THBS4: variants seen among roughly 807,000 people sequenced by gnomAD.
The protein encoded by THBS4 is thrombospondin 4, also known as thrombospondin-4.
Under a neutral mutation model 115.7 loss-of-function variants are expected in THBS4, and 90 were observed. The observed-to-expected ratio is 0.78, with a 90% CI of 0.66 to 0.93. The LOEUF (loss-of-function observed/expected upper bound fraction) is 0.93. Ranked by LOEUF, THBS4 falls within the 40% of genes least tolerant of loss-of-function variation. The pLI is 0.00. For missense variants in THBS4, 1,087 were observed against 1,232.7 expected (o/e 0.88, Z 1.77); for synonymous variants, 460 against 479.3 (o/e 0.96, Z 0.53).
intron 6 of THBS4, 81 bp downstream of exon 6, chr5:80,059,572 C>G: frequency 6.3e-7 from 1 of 1,598,426 alleles, no homozygotes; most frequent in South Asian, 1.1e-5. Flanking sequence ...CTGTGTTGAC[C>G]GCAGTTTCTG....
intron 2 of THBS4, among the ~76,000 whole-genome samples, chr5:80,025,152 T>C (rs1832450464): frequency 6.6e-6 from 1 of 152,194 alleles, no homozygotes; most frequent in Non-Finnish European, 1.5e-5. Flanking sequence ...AAGTTGGTTA[T>C]TATTATGATG....
At position 80,078,205 on chromosome 5, in the gene THBS4, C is replaced by G; in HGVS notation, c.2243C>G (p.Pro748Arg). The G allele has an allele frequency of 1.3e-6, 2 of 1,596,894 alleles. No individual in the cohort carries two copies. The highest frequency in any genetic ancestry group is 8.6e-7 in the Non-Finnish European group (1 of 1,167,840). ...LDPEGDAQID[P>R]NWVVLNQGME... The stretch of plus-strand genomic sequence containing the variant: ...CCTGAAGGGGATGCCCAGATCGATC[C>G]CAACTGGGTGGTCCTGAACCAGGTG... The change falls in exon 17 of 22, where the codon CCC (proline) becomes CGC (arginine). Residue 748 changes from proline (P) to arginine (R), a missense_variant. By Grantham distance (103) the Pro-to-Arg change is moderately radical. Coordinates refer to ENST00000350881, the MANE Select transcript of THBS4 (RefSeq NM_003248.6).
chr5:80,027,022 C>T (rs1233178988), intron 2 of THBS4, among the ~76,000 whole-genome samples: 2 of 152,232 alleles, frequency 1.3e-5, no homozygotes, highest in African/African-American at 4.8e-5. Flanking sequence ...AAACACCCAG[C>T]ACTGCAGCAG....
intron 9 of THBS4, chr5:80,066,398 T>C (rs1019487240): frequency 2.6e-5 from 4 of 152,226 alleles, no homozygotes; most frequent in Non-Finnish European, 5.9e-5. Flanking sequence ...TAAACAGGGA[T>C]TATTATTATC....
chr5:80,004,280 G>A (rs1399551389), intron 2 of THBS4, among the ~76,000 whole-genome samples: 1 of 152,230 alleles, frequency 6.6e-6, no homozygotes, highest in East Asian at 1.9e-4. Flanking sequence ...TGATGAATGT[G>A]TGTAAATGAT....
chr5:79,994,658 T>G (rs972605350), intron 1 of THBS4, among the ~76,000 whole-genome samples: 4 of 152,074 alleles, frequency 2.6e-5, no homozygotes, highest in African/African-American at 9.7e-5. Context: ...ACAAAAATTA[T>G]AGCTGGGCAT....
rs1322872246 is a variant in THBS4, at chr5:80,058,804, C to T, written c.732+14C>T. 3 of 1,610,840 alleles carry T rather than the reference C, an allele frequency of 1.9e-6. No homozygotes were observed. The highest frequency in any genetic ancestry group is 2.5e-6 in the Non-Finnish European group (3 of 1,178,274). The stretch of plus-strand genomic sequence containing the variant: ...CTGAGACAGCAGGTAACAAGCGGGA[C>T]ATATCATCAGAAAAGCCCTCGTCTT... On this transcript the variant is annotated intron_variant, in intron 5 of 21. Transcript: ENST00000350881.
chr5:80,051,816 G>C (rs2438649), intron 2 of THBS4, among the ~76,000 whole-genome samples: 83,531 of 152,054 alleles, frequency 0.55, 23,389 homozygotes, highest in African/African-American at 0.65. Flanking sequence ...TCAAATTAAA[G>C]CCAGCTATTT....
In THBS4 at chr5:80,067,996, T is replaced by TAA. The variant is rs1268309170; in HGVS notation, c.1219_1220dup (p.Pro408SerfsTer9). The TAA allele has an allele frequency of 6.2e-7, 1 of 1,614,092 alleles. No individual in the cohort carries two copies. Among genetic ancestry groups the TAA allele is most frequent in the East Asian group, 2.2e-5 (1 of 44,900 alleles). ...AGGGATCTTACCGCTGTGGGCCTTGTAAGCCGGGGTATACTGGTGATCAGA... is the reference window on the plus strand; with the variant it reads ...AGGGATCTTACCGCTGTGGGCCTTGTAAAAGCCGGGGTATACTGGTGATCAGA... On this transcript the variant is annotated frameshift_variant, in exon 10 of 22. Coordinates refer to ENST00000350881, the MANE Select transcript of THBS4 (RefSeq NM_003248.6). LOFTEE classifies it high-confidence loss of function.
At chr5:80,052,798 A>G (rs1306016833) in intron 2 of THBS4, 1 of 152,232 alleles carries the variant, frequency 6.6e-6, no homozygotes, top group Non-Finnish European at 1.5e-5. Flanking sequence ...ATGTTCCACA[A>G]TAGTGATTAT....
At chr5:80,070,183 C>A in intron 10 of THBS4, 123 bp from the exon 11 acceptor site, 2 of 714,666 alleles carry the variant, frequency 2.8e-6, no homozygotes, top group South Asian at 3.8e-5. Context: ...CCCCACCCAA[C>A]AAGGCTGAGT....
rs1207415337 is a variant in THBS4 at position 80,058,233 on chromosome 5, G to A, written c.568G>A (p.Val190Met). 1.3e-6 allele frequency: 2 copies of A among 1,578,214 alleles called. No individual in the cohort carries two copies. Among genetic ancestry groups the A allele is most frequent in the Non-Finnish European group, 8.6e-7 (1 of 1,160,554 alleles). ...CTTCTTGGAAGAGCTGAAGCTGGTG[G>A]TGAGAGGCTCACTGTTCCAGGTGGC... Reference protein sequence around the residue: ...QDFLEELKLVVRGSLFQVASL... With the variant: ...QDFLEELKLVMRGSLFQVASL... The change falls in exon 4 of 22, where the codon GTG becomes ATG. Residue 190 changes from valine to methionine, a missense_variant. Transcript: ENST00000350881.
intron 13 of THBS4, among the ~76,000 whole-genome samples, chr5:80,071,573 C>T (rs1834056614): frequency 6.6e-6 from 1 of 152,020 alleles, no homozygotes; most frequent in African/African-American, 2.4e-5. Context: ...GGGTCACAGA[C>T]TATGCATCAC....
chr5:80,082,676 C>G (rs557081583), intron 21 of THBS4, 131 bp downstream of exon 21: 7 of 1,091,404 alleles, frequency 6.4e-6, no homozygotes, highest in Non-Finnish European at 9.3e-6. Flanking sequence ...ACCTGATAGT[C>G]CCTGTGTACC....
rs1443583614 is a variant in THBS4 at position 80,078,042 on chromosome 5, C to G, written c.2087-7C>G. On this transcript the variant is annotated splice_polypyrimidine_tract_variant and splice_region_variant and intron_variant, in intron 16 of 21. Coordinates refer to ENST00000350881, the MANE Select transcript of THBS4 (RefSeq NM_003248.6). ...TTGAGCTCCTGTCCTTTCTCCACCC[C>G]ACTCAGGCGACGGAGTGGGAGACAT... 3.2e-6 allele frequency: 5 copies of G among 1,567,418 alleles called. No homozygotes were observed. Among genetic ancestry groups the G allele is most frequent in the African/African-American group, 1.3e-5 (1 of 74,148 alleles).
intron 17 of THBS4, 157 bp from the exon 18 acceptor site, chr5:80,078,764 C>T: frequency 3.3e-6 from 2 of 604,140 alleles, no homozygotes; most frequent in Non-Finnish European, 5.4e-6. Flanking sequence ...TCTTTGAGCA[C>T]ATAACACAAT....
upstream of THBS4, chr5:80,033,057 G>C (rs536652024): frequency 9.1e-5 from 16 of 175,018 alleles, no homozygotes; most frequent in African/African-American, 3.8e-4. Context: ...CCGTGCGTCT[G>C]GTGTGTCATT....
At chr5:80,001,367 G>C (rs1831895421) in intron 2 of THBS4, among the ~76,000 whole-genome samples, 1 of 152,200 alleles carries the variant, frequency 6.6e-6, no homozygotes, top group Admixed American at 6.5e-5. Flanking sequence ...TCGTTTTGCA[G>C]ATATAACCCT....
At chr5:80,000,375 C>T (rs1462753319) in intron 2 of THBS4, among the ~76,000 whole-genome samples, 1 of 152,170 alleles carries the variant, frequency 6.6e-6, no homozygotes, top group Non-Finnish European at 1.5e-5. Context: ...AAAGTCTACC[C>T]CTCCTTATGG....
Sources: gnomAD v4.1 joint callset for allele counts (sites outside exome capture counted in the v4.1 genomes callset) on GRCh38, gnomAD v4.1.1 for gene constraint, MANE v1.5 for transcripts, NCBI Gene and HGNC (gene_info 2026-07-23, HGNC 2026-07-21) for gene names.